Variants in TIMP2 observed in about 807,000 individuals in gnomAD.
The protein encoded by TIMP2 is metalloproteinase inhibitor 2.
In TIMP2, 5 loss-of-function variants were observed where a neutral mutation model predicts 24.3. The ratio of observed to expected loss-of-function variants is 0.21; its 90% CI spans 0.11 to 0.43. The LOEUF (loss-of-function observed/expected upper bound fraction) is 0.43. TIMP2 is among the 20% of genes least tolerant of loss of function. The pLI is 1.00. For missense variants in TIMP2, 221 were observed against 297.5 expected (o/e 0.74, Z 1.89); for synonymous variants, 130 against 123.2 (o/e 1.06, Z -0.37).
At chr17:78,902,107 G>A (rs1439708320) in intron 1 of TIMP2, among the ~76,000 whole-genome samples, 1 of 152,190 alleles carries the variant, frequency 6.6e-6, no homozygotes, top group African/African-American at 2.4e-5. Context: ...GGGGACGGGG[G>A]TCCCAAGCCA....
chr17:78,901,450 C>T (rs1292162212), intron 1 of TIMP2, among the ~76,000 whole-genome samples: 1 of 151,724 alleles, frequency 6.6e-6, no homozygotes, highest in Non-Finnish European at 1.5e-5. Context: ...AGGAGGAGGG[C>T]GGTAAGGACG....
chr17:78,892,253 T>C, intron 1 of TIMP2: 1 of 1,550,896 alleles, frequency 6.4e-7, no homozygotes, highest in Non-Finnish European at 8.7e-7. Flanking sequence ...GCCCCGGGCT[T>C]GTAGCAATTT....
chr17:78,884,919 G>C (rs1206428864), intron 1 of TIMP2, among the ~76,000 whole-genome samples: 2 of 152,234 alleles, frequency 1.3e-5, no homozygotes, highest in Non-Finnish European at 2.9e-5. Context: ...GATTTGTGCG[G>C]AGAGAAGATG....
At chr17:78,868,093 A>G (rs11077399) in intron 3 of TIMP2, among the ~76,000 whole-genome samples, 101,551 of 152,034 alleles carry the variant, frequency 0.67, 34,537 homozygotes, top group Admixed American at 0.74. Context: ...CTAAGCACAC[A>G]TTGATTTTTA....
chr17:78,906,843 A>G (rs1247220262), intron 1 of TIMP2, among the ~76,000 whole-genome samples: 1 of 151,316 alleles, frequency 6.6e-6, no homozygotes, highest in Non-Finnish European at 1.5e-5. Flanking sequence ...TCAGCCTCCC[A>G]AAGTGCTGGG....
At chr17:78,880,634 G>C (rs1403354254) in intron 1 of TIMP2, among the ~76,000 whole-genome samples, 4 of 152,190 alleles carry the variant, frequency 2.6e-5, no homozygotes, top group Non-Finnish European at 5.9e-5. Context: ...AGATGTTCAA[G>C]GCTGCAGTGA....
intron 1 of TIMP2, among the ~76,000 whole-genome samples, chr17:78,876,407 C>G (rs1183640970): frequency 1.3e-5 from 2 of 152,134 alleles, no homozygotes; most frequent in Non-Finnish European, 2.9e-5. Flanking sequence ...CCCTGCTAGG[C>G]TGGAGTGCAG....
intron 1 of TIMP2, among the ~76,000 whole-genome samples, chr17:78,875,259 C>T (rs768775722): frequency 2.0e-5 from 3 of 152,092 alleles, no homozygotes; most frequent in African/African-American, 7.2e-5. Context: ...AAGGAGACAT[C>T]GGCAGGCACA....
Position 78,920,003 on chromosome 17 carries a change from C to T in TIMP2, c.130+4956G>A, listed in dbSNP as rs2070297142. Among the ~76,000 whole-genome samples the T allele has an allele frequency of 6.6e-6, 1 of 152,170 alleles. No homozygotes were observed. Among genetic ancestry groups the T allele is most frequent in the Admixed American group, 6.5e-5 (1 of 15,274 alleles). ...GCCTGTCTTTGCTTCCTTCTTATCT[C>T]CTCCTCCCTGCTGTTGCATCCCTCC... On this transcript the variant is annotated intron_variant, in intron 1 of 4. Coordinates refer to ENST00000262768, the MANE Select transcript of TIMP2 (RefSeq NM_003255.5). This position sits in a 1 kb window ranked among gnomAD's most constrained non-coding sequence, Gnocchi z 4.5.
At chr17:78,917,424 C>T (rs1013406530) in intron 1 of TIMP2, among the ~76,000 whole-genome samples, 2 of 152,222 alleles carry the variant, frequency 1.3e-5, no homozygotes, top group East Asian at 1.9e-4. Context: ...AGCAAAACTC[C>T]GTCTCAGAAA....
At chr17:78,878,520 G>C (rs781015677) in intron 1 of TIMP2, among the ~76,000 whole-genome samples, 1 of 152,222 alleles carries the variant, frequency 6.6e-6, no homozygotes, top group Non-Finnish European at 1.5e-5. Context: ...ACACAGACCC[G>C]GTCCTGGTCA....
chr17:78,893,936 G>A (rs2069958754), intron 1 of TIMP2, among the ~76,000 whole-genome samples: 1 of 152,162 alleles, frequency 6.6e-6, no homozygotes, highest in Non-Finnish European at 1.5e-5. Context: ...TGAGCTGCAG[G>A]AAAGGCTAAG....
At position 78,893,475 on chromosome 17, in the gene TIMP2, C is replaced by G. The variant is rs1302587535; in HGVS notation, c.131-19556G>C. Among the ~76,000 whole-genome samples the G allele has an allele frequency of 4.1e-3, 290 of 70,148 alleles. 3 individuals carry two copies. The highest frequency in any genetic ancestry group is 0.016 in the African/African-American group (267 of 16,952). 46.0% of individuals were successfully genotyped at this position (70,148 alleles called of 152,430 possible). A position where few individuals can be genotyped will look rare whatever the true frequency, so the allele number is the denominator to read the frequency against. Reference sequence around the variant, plus strand: ...TGTGTGCAGGGGTGTGTGTGCATAGCGGTGTGTGTGCAGGGGTGTGTGCGC... The same window carrying G: ...TGTGTGCAGGGGTGTGTGTGCATAGGGGTGTGTGTGCAGGGGTGTGTGCGC... On this transcript the variant is annotated intron_variant, in intron 1 of 4. Transcript: ENST00000262768.
rs34151423 is a variant in TIMP2, at chr17:78,869,414, C to CAA, written c.340+1482_340+1483dup. On this transcript the variant is annotated intron_variant, in intron 3 of 4. Transcript: ENST00000262768. The stretch of plus-strand genomic sequence containing the variant: ...TGGGAAACAGAGCAAGACTTTGTCT[C>CAA]AAAAAAAAAAAAAACAAACCAAAAA... Among the ~76,000 whole-genome samples the CAA allele has an allele frequency of 3.8e-4, 51 of 135,862 alleles. 1 individual carries two copies. The South Asian group carries it at 0.011, about 30-fold the overall frequency. 89.1% of individuals were successfully genotyped at this position (135,862 alleles called of 152,430 possible).
intron 3 of TIMP2, among the ~76,000 whole-genome samples, chr17:78,862,645 A>C (rs989400975): frequency 6.6e-6 from 1 of 152,208 alleles, no homozygotes; most frequent in African/African-American, 2.4e-5. Flanking sequence ...ATATGAACGG[A>C]TCCATCGCCC....
At chr17:78,905,990 C>T (rs1363069862) in intron 1 of TIMP2, among the ~76,000 whole-genome samples, 1 of 152,164 alleles carries the variant, frequency 6.6e-6, no homozygotes, top group Middle Eastern at 3.2e-3. Context: ...TATATATTCC[C>T]AAATATAAAT....
chr17:78,906,942 T>C (rs1358060302), intron 1 of TIMP2, among the ~76,000 whole-genome samples: 3 of 152,186 alleles, frequency 2.0e-5, no homozygotes, highest in African/African-American at 7.2e-5. Flanking sequence ...TTAATTTCCT[T>C]CACATTCACA....
At chr17:78,865,372 C>T (rs915101939) in intron 3 of TIMP2, among the ~76,000 whole-genome samples, 15 of 152,096 alleles carry the variant, frequency 9.9e-5, no homozygotes, top group African/African-American at 3.6e-4. Context: ...CACCTGTAAT[C>T]CCAGCACTTT....
In TIMP2 at chr17:78,856,088, A is replaced by C; in HGVS notation, c.466-224T>G. 3 of 580,012 alleles carry C rather than the reference A, an allele frequency of 5.2e-6. No individual in the cohort carries two copies. In the South Asian group the frequency reaches 5.9e-5, roughly 11 times the overall value. The allele number at this position is 580,012 out of a possible 1,614,324, so 35.9% of individuals were successfully genotyped here. The stretch of plus-strand genomic sequence containing the variant: ...CCTGCCCACCGCTGCCCCCCCTCCT[A>C]CTGCAGGTGTGCTTCCCTTTGGGCC... On this transcript the variant is annotated intron_variant, in intron 4 of 4. Coordinates refer to ENST00000262768, the MANE Select transcript of TIMP2 (RefSeq NM_003255.5).
Sources: allele counts gnomAD v4.1 joint callset (sites outside exome capture counted in the v4.1 genomes callset), GRCh38; gene constraint gnomAD v4.1.1; non-coding constraint Gnocchi (gnomAD v3.1); transcripts MANE v1.5; gene names NCBI Gene and HGNC (gene_info 2026-07-23, HGNC 2026-07-21).